PARM1: variants seen among roughly 807,000 people sequenced by gnomAD.
PARM1 encodes prostate androgen-regulated mucin-like protein 1.
PARM1 carries 14 observed loss-of-function variants against 24.6 expected under a neutral mutation model. The ratio of observed to expected loss-of-function variants is 0.57; its 90% CI spans 0.38 to 0.89. The LOEUF is 0.89. Ranked by LOEUF, PARM1 falls within the 40% of genes least tolerant of loss-of-function variation. PARM1 has a pLI of 0.00. For synonymous variants in PARM1, 179 were observed against 156.6 expected, an observed-to-expected ratio of 1.14 and a Z score of -1.07; for missense variants, 362 against 380.4, an observed-to-expected ratio of 0.95 and a Z score of 0.40.
rs775203991 is a variant in PARM1, at chr4:75,021,007, C to T, written c.769+7857C>T. Reference sequence around the variant, plus strand: ...CTTGTGTTTATTTGTTCATTGTCTTCACTGCTTTTAAAGTACCTGAGGGTG... The same window carrying T: ...CTTGTGTTTATTTGTTCATTGTCTTTACTGCTTTTAAAGTACCTGAGGGTG... On this transcript the variant is annotated intron_variant, in intron 2 of 3. Transcript: ENST00000307428. 3.3e-5 allele frequency among the ~76,000 whole-genome samples: 5 copies of T among 152,174 alleles called. No homozygotes were observed. The South Asian group carries it at 1.0e-3, about 32-fold the overall frequency.
intron 1 of PARM1, among the ~76,000 whole-genome samples, chr4:74,984,480 G>A (rs1176244457): frequency 6.6e-6 from 1 of 152,218 alleles, no homozygotes; most frequent in Non-Finnish European, 1.5e-5. Flanking sequence ...CGGGAAGCCT[G>A]ACATAAGGAG....
At chr4:74,980,620 TTCATATGGAATC>T (rs1722232163) in intron 1 of PARM1, among the ~76,000 whole-genome samples, 1 of 152,164 alleles carries the variant, frequency 6.6e-6, no homozygotes, top group Non-Finnish European at 1.5e-5. Context: ...TATTTTAAAA[TTCATATGGAATC>T]AAAAAATAGC....
chr4:75,021,831 T>TAC (rs3976226), intron 2 of PARM1, among the ~76,000 whole-genome samples: 10,169 of 152,222 alleles, frequency 0.067, 1,153 homozygotes, highest in African/African-American at 0.23. Flanking sequence ...AGTGTATATA[T>TAC]ACCACATTTT....
intron 3 of PARM1, among the ~76,000 whole-genome samples, chr4:75,037,856 G>A (rs1723402134): frequency 6.6e-6 from 1 of 152,232 alleles, no homozygotes; most frequent in Non-Finnish European, 1.5e-5. Flanking sequence ...AAGACGAAAT[G>A]AAGTAATGAA....
intron 1 of PARM1, among the ~76,000 whole-genome samples, chr4:74,963,921 T>C (rs1298446332): frequency 6.6e-6 from 1 of 152,242 alleles, no homozygotes. Flanking sequence ...GCAATCATTG[T>C]AGTTAGTTAT....
intron 1 of PARM1, among the ~76,000 whole-genome samples, chr4:74,971,607 A>C (rs995248341): frequency 4.6e-5 from 7 of 152,200 alleles, no homozygotes; most frequent in Non-Finnish European, 8.8e-5. Flanking sequence ...GATTTGATGA[A>C]ATACAGTCAT....
chr4:74,989,541 T>C (rs1201550752), intron 1 of PARM1, among the ~76,000 whole-genome samples: 1 of 152,184 alleles, frequency 6.6e-6, no homozygotes, highest in African/African-American at 2.4e-5. Context: ...GACCTCCCTG[T>C]GTTCAGCTAT....
intron 3 of PARM1, among the ~76,000 whole-genome samples, chr4:75,035,792 C>T (rs1024663800): frequency 6.6e-6 from 1 of 152,116 alleles, no homozygotes; most frequent in African/African-American, 2.4e-5. Flanking sequence ...TTAAAGGGCC[C>T]GCTTGACCTG....
Position 74,933,247 on chromosome 4 carries a change from G to T in PARM1, c.-81G>T. On this transcript the variant is annotated 5_prime_UTR_variant, in exon 1 of 4. Coordinates refer to ENST00000307428, the MANE Select transcript of PARM1 (RefSeq NM_015393.4). ...CCGCAGCCCACCCGGCAGAGGAGTC[G>T]CTACCAGCGCCCAGTGCGCTCTGTC... The T allele has an allele frequency of 1.6e-6, 2 of 1,290,216 alleles. No homozygotes were observed. The highest frequency in any genetic ancestry group is 2.5e-5 in the South Asian group (2 of 80,946). The allele number at this position is 1,290,216 out of a possible 1,614,324, so 79.9% of individuals were successfully genotyped here.
chr4:74,934,973 C>T (rs1721146525), intron 1 of PARM1, among the ~76,000 whole-genome samples: 1 of 145,710 alleles, frequency 6.9e-6, no homozygotes, highest in African/African-American at 2.5e-5. Flanking sequence ...CTTCCCCACC[C>T]CCACCCCAAG....
intron 1 of PARM1, among the ~76,000 whole-genome samples, chr4:74,996,107 C>A (rs925618027): frequency 6.6e-6 from 1 of 152,162 alleles, no homozygotes; most frequent in African/African-American, 2.4e-5. Flanking sequence ...CCCATCCAAT[C>A]TGAGAGGTCA....
intron 1 of PARM1, among the ~76,000 whole-genome samples, chr4:74,962,683 C>G (rs1176736206): frequency 6.6e-6 from 1 of 152,228 alleles, no homozygotes; most frequent in Non-Finnish European, 1.5e-5. Context: ...CTGTTTTATT[C>G]CATTTATTTG....
At chr4:75,036,289 T>C (rs1723371014) in intron 3 of PARM1, among the ~76,000 whole-genome samples, 1 of 152,214 alleles carries the variant, frequency 6.6e-6, no homozygotes, top group South Asian at 2.1e-4. Context: ...AATTCAAGTT[T>C]ACCACCTCTA....
At chr4:74,959,884 T>C (rs1721729634) in intron 1 of PARM1, among the ~76,000 whole-genome samples, 1 of 152,184 alleles carries the variant, frequency 6.6e-6, no homozygotes, top group South Asian at 2.1e-4. Flanking sequence ...AGTACCAGTT[T>C]CCCCATCTAA....
At chr4:74,949,998 T>C (rs1473112610) in intron 1 of PARM1, among the ~76,000 whole-genome samples, 1 of 152,116 alleles carries the variant, frequency 6.6e-6, no homozygotes, top group Non-Finnish European at 1.5e-5. Flanking sequence ...CAACCAAAAC[T>C]AGAGGAATTT....
At chr4:74,959,877 A>G (rs887441224) in intron 1 of PARM1, among the ~76,000 whole-genome samples, 5 of 152,224 alleles carry the variant, frequency 3.3e-5, no homozygotes, top group African/African-American at 1.2e-4. Flanking sequence ...AATAGGAAGT[A>G]CCAGTTTCCC....
intron 3 of PARM1, among the ~76,000 whole-genome samples, chr4:75,038,588 G>C (rs1723415642): frequency 6.6e-6 from 1 of 152,338 alleles, no homozygotes; most frequent in Middle Eastern, 3.4e-3. Context: ...GGTCTTCCAT[G>C]TTCCAGTTTG....
intron 2 of PARM1, among the ~76,000 whole-genome samples, chr4:75,020,056 A>AAATGT (rs980559607): frequency 1.3e-5 from 2 of 151,782 alleles, no homozygotes; most frequent in Admixed American, 6.6e-5. Context: ...CAGAAGCGAA[A>AAATGT]AATGTATATT....
At chr4:75,036,352 C>CTCCA (rs1160868723) in intron 3 of PARM1, among the ~76,000 whole-genome samples, 4 of 152,210 alleles carry the variant, frequency 2.6e-5, no homozygotes, top group African/African-American at 9.7e-5. Flanking sequence ...ACAATTCAGA[C>CTCCA]TCCAGAAGCA....
Sources: allele counts gnomAD v4.1 joint callset (sites outside exome capture counted in the v4.1 genomes callset), GRCh38; gene constraint gnomAD v4.1.1; transcripts MANE v1.5; gene names NCBI Gene and HGNC (gene_info 2026-07-23, HGNC 2026-07-21).